VPS13A: variants seen among roughly 807,000 people sequenced by gnomAD.
VPS13A encodes the protein intermembrane lipid transfer protein VPS13A.
In VPS13A, 264 loss-of-function variants were observed where a neutral mutation model predicts 390.9. The observed-to-expected ratio is 0.68, with a 90% CI of 0.61 to 0.75. VPS13A has a LOEUF of 0.75. Among genes scored for constraint, VPS13A ranks in the 30% least tolerant of loss-of-function variants. The pLI is 0.00. For missense variants in VPS13A, 3,409 were observed against 3,733.9 expected, an observed-to-expected ratio of 0.91 and a Z score of 2.27; for synonymous variants, 1,231 against 1,227.1, an observed-to-expected ratio of 1.00 and a Z score of -0.07.
chr9:77,371,196 G>A, intron 67 of VPS13A, 47 bp downstream of exon 67: 1 of 1,611,958 alleles, frequency 6.2e-7, no homozygotes, highest in Non-Finnish European at 8.5e-7. Context: ...CTGAAGCCAT[G>A]AGAAATGGAA....
intron 67 of VPS13A, among the ~76,000 whole-genome samples, chr9:77,373,192 A>G (rs1299748669): frequency 1.3e-5 from 2 of 150,926 alleles, no homozygotes; most frequent in Non-Finnish European, 3.0e-5. Context: ...ATCCTAAGCC[A>G]AAAGAACGAA....
At chr9:77,317,301 C>A (rs1829453951) in intron 39 of VPS13A, among the ~76,000 whole-genome samples, 1 of 151,838 alleles carries the variant, frequency 6.6e-6, no homozygotes. Flanking sequence ...CTATTCACAT[C>A]TTTTTTGGCT....
At chr9:77,239,249 G>A (rs986748613) in intron 19 of VPS13A, among the ~76,000 whole-genome samples, 55 of 151,940 alleles carry the variant, frequency 3.6e-4, no homozygotes, top group Non-Finnish European at 5.1e-4. Context: ...AAGCCGAGGC[G>A]GGTGGATCAC....
At chr9:77,284,560 C>CA (rs2131352730) in intron 31 of VPS13A, among the ~76,000 whole-genome samples, 1 of 152,132 alleles carries the variant, frequency 6.6e-6, no homozygotes, top group South Asian at 2.1e-4. Context: ...TCATAAGTAT[C>CA]AGAGTATTTA....
At chr9:77,223,025 G>A (rs761586407) in intron 13 of VPS13A, among the ~76,000 whole-genome samples, 55 of 152,272 alleles carry the variant, frequency 3.6e-4, no homozygotes, top group South Asian at 1.0e-3. Flanking sequence ...CTCTATGTCA[G>A]TTTCCTTTTT....
chr9:77,356,517 C>T (rs1406206811), intron 54 of VPS13A, among the ~76,000 whole-genome samples, 197 bp from the exon 55 acceptor site: 2 of 152,184 alleles, frequency 1.3e-5, no homozygotes, highest in South Asian at 2.1e-4. Context: ...GGCTGTAACA[C>T]CTAGAATAGT....
At chr9:77,340,347 A>C (rs1776896150) in intron 49 of VPS13A, 57 bp from the exon 50 acceptor site, 1 of 1,600,996 alleles carries the variant, frequency 6.2e-7, no homozygotes, top group Admixed American at 1.7e-5. Flanking sequence ...TACTTAATTA[A>C]ATTTTATAAA....
intron 45 of VPS13A, among the ~76,000 whole-genome samples, chr9:77,330,528 G>A (rs903032997): frequency 6.6e-6 from 1 of 152,090 alleles, no homozygotes; most frequent in Admixed American, 6.6e-5. Context: ...ATTCCAAACA[G>A]GCACCATTTA....
At chr9:77,400,277 T>C (rs1241093339) in intron 68 of VPS13A, among the ~76,000 whole-genome samples, 1 of 147,988 alleles carries the variant, frequency 6.8e-6, no homozygotes, top group East Asian at 2.1e-4. Flanking sequence ...CTTCACACAT[T>C]TTTCTACTGC....
chr9:77,213,164 G>T, intron 8 of VPS13A, 70 bp from the exon 9 acceptor site: 1 of 1,549,846 alleles, frequency 6.5e-7, no homozygotes, highest in South Asian at 1.1e-5. Context: ...AATTATTTGA[G>T]ACTTCTGAAA....
chr9:77,419,570 G>C lies in VPS13A; in HGVS notation c.*3564G>C, dbSNP rs927370440. ...GCTTAGCACTTCTTCTTTTGAGTGAGAAGATGGAATCACTCTTGGTTTCTA... is the reference window on the plus strand; with the variant it reads ...GCTTAGCACTTCTTCTTTTGAGTGACAAGATGGAATCACTCTTGGTTTCTA... On this transcript the variant is annotated 3_prime_UTR_variant, in exon 72 of 72. Transcript: ENST00000360280. The C allele has an allele frequency of 6.6e-6, 1 of 152,182 alleles. No individual in the cohort carries two copies. The highest frequency in any genetic ancestry group is 2.4e-5 in the African/African-American group (1 of 41,448). The allele number at this position is 152,182 out of a possible 1,614,324, so 9.4% of individuals were successfully genotyped here.
intron 46 of VPS13A, among the ~76,000 whole-genome samples, chr9:77,332,532 C>A (rs1830329586): frequency 6.6e-6 from 1 of 151,358 alleles, no homozygotes; most frequent in African/African-American, 2.4e-5. Flanking sequence ...CATATTTGTT[C>A]ATTGTTCAGG....
At chr9:77,352,040 G>C (rs1479032208) in intron 53 of VPS13A, among the ~76,000 whole-genome samples, 1 of 152,122 alleles carries the variant, frequency 6.6e-6, no homozygotes, top group Non-Finnish European at 1.5e-5. Flanking sequence ...TACATCATTT[G>C]CTTCTACTGT....
At chr9:77,216,282 T>G (rs1166409237) in intron 10 of VPS13A, among the ~76,000 whole-genome samples, 1 of 152,154 alleles carries the variant, frequency 6.6e-6, no homozygotes, top group Non-Finnish European at 1.5e-5. Context: ...AGCTCAGAAG[T>G]AAAAAATTGA....
At chr9:77,294,945 A>G (rs1326247882) in intron 32 of VPS13A, among the ~76,000 whole-genome samples, 1 of 151,774 alleles carries the variant, frequency 6.6e-6, no homozygotes, top group Non-Finnish European at 1.5e-5. Flanking sequence ...GCCCCATGTT[A>G]TCCTACTACC....
At chr9:77,355,528 T>C (rs1229430425) in intron 54 of VPS13A, among the ~76,000 whole-genome samples, 2 of 152,204 alleles carry the variant, frequency 1.3e-5, no homozygotes, top group Non-Finnish European at 2.9e-5. Flanking sequence ...ATTTCTCTCT[T>C]AGGTATGTCT....
chr9:77,370,482 G>C lies in VPS13A; in HGVS notation c.8811G>C (p.Met2937Ile). Residue 2937 changes from methionine to isoleucine, a missense_variant, in exon 65 of 72, where the codon ATG (methionine) becomes ATC (isoleucine). By Grantham distance (10) the Met-to-Ile change is conservative. Coordinates refer to ENST00000360280, the MANE Select transcript of VPS13A (RefSeq NM_033305.3). ...AMAKGVAAMT[M>I]DEDYQQKRRE... is the part of the protein sequence containing the mutation. ...CTAAGGGGGTAGCAGCTATGACCAT[G>C]GATGAAGACTACCAACAGAAGAGAA... The C allele has an allele frequency of 6.2e-7, 1 of 1,614,176 alleles. No homozygotes were observed. The highest frequency in any genetic ancestry group is 8.5e-7 in the Non-Finnish European group (1 of 1,180,024).
chr9:77,241,605 A>G (rs1429104134), intron 19 of VPS13A, among the ~76,000 whole-genome samples: 2 of 151,684 alleles, frequency 1.3e-5, no homozygotes, highest in Admixed American at 1.3e-4. Flanking sequence ...GTGTCTTTTT[A>G]TGCTTGGTAA....
Position 77,280,197 on chromosome 9 carries a change from G to A in VPS13A, c.2863G>A (p.Asp955Asn). 1.2e-6 allele frequency: 2 copies of A among 1,612,774 alleles called. No homozygotes were observed. The highest frequency in any genetic ancestry group is 1.7e-5 in the Admixed American group (1 of 60,010). Residue 955 changes from aspartate (D) to asparagine (N), a missense_variant, in exon 27 of 72, where the codon GAT becomes AAT. Around this residue, in one of 5 missense-constraint regions of VPS13A, gnomAD observed 2,717 missense variants for 2,917.4 expected, o/e 0.93. Coordinates refer to ENST00000360280, the MANE Select transcript of VPS13A (RefSeq NM_033305.3). ...KKPVYLVTTL[D>N]NTMEDLLTLE... ...ACCAGTTTATTTGGTTACAACCCTG[G>A]ATAACACAATGGAAGACCTGTTAAC...
Sources: allele counts gnomAD v4.1 joint callset (sites outside exome capture counted in the v4.1 genomes callset), GRCh38; gene constraint gnomAD v4.1.1; regional missense constraint gnomAD v4.1.1; transcripts MANE v1.5; gene names NCBI Gene and HGNC (gene_info 2026-07-23, HGNC 2026-07-21).